The following PCDHGA11 variants were observed in gnomAD, a reference collection of about 807,000 sequenced individuals.
PCDHGA11 encodes protocadherin gamma subfamily A, 11.
In PCDHGA11, 39 loss-of-function variants were observed where a neutral mutation model predicts 60.4. The observed-to-expected ratio is 0.65, with a 90% confidence interval of 0.50 to 0.84. The LOEUF (loss-of-function observed/expected upper bound fraction) is 0.84, where lower values mean the gene tolerates loss of function less well. Among genes scored for constraint, PCDHGA11 ranks in the 40% least tolerant of loss-of-function variants. The pLI, the probability that PCDHGA11 is intolerant of heterozygous loss-of-function variation, is 0.00. For synonymous variants in PCDHGA11, 533 were observed against 510.3 expected, an observed-to-expected ratio of 1.04 and a Z score of -0.60; for missense variants, 1,165 against 1,197.7, an observed-to-expected ratio of 0.97 and a Z score of 0.40.
intron 1 of PCDHGA11, among the ~76,000 whole-genome samples, chr5:141,455,146 A>G (rs2098814943): frequency 6.7e-6 from 1 of 149,242 alleles, no homozygotes; most frequent in South Asian, 2.1e-4. Flanking sequence ...TGTTAAATAA[A>G]TATTAGTTTG....
intron 1 of PCDHGA11, among the ~76,000 whole-genome samples, chr5:141,444,872 G>T (rs2098449555): frequency 6.6e-6 from 1 of 152,120 alleles, no homozygotes. Context: ...ACAGGACAAA[G>T]CTTGTAGGAT....
chr5:141,487,810 C>G lies in PCDHGA11; in HGVS notation c.2434-6997C>G, dbSNP rs377060474. ...ATTAACCAGAGTTGTCACAGTTTAGCATTGGGGGCGGGTCATGCCTATATC... is the reference window on the plus strand; with the variant it reads ...ATTAACCAGAGTTGTCACAGTTTAGGATTGGGGGCGGGTCATGCCTATATC... On this transcript the variant is annotated intron_variant, in intron 1 of 3. Coordinates refer to ENST00000398587, the MANE Select transcript of PCDHGA11 (RefSeq NM_018914.3). The surrounding 1 kb of genome is among the most constrained non-coding windows in gnomAD (Gnocchi z 5.0). 7.1e-7 allele frequency: 1 copy of G among 1,417,854 alleles called. No homozygotes were observed. The highest frequency in any genetic ancestry group is 2.1e-5 in the Admixed American group (1 of 47,076). The allele number at this position is 1,417,854 out of a possible 1,614,324, so 87.8% of individuals were successfully genotyped here.
Position 141,489,338 on chromosome 5 carries a change from A to T in PCDHGA11, c.2434-5469A>T, listed in dbSNP as rs1303176012. 1 of 1,608,414 alleles carries T rather than the reference A, an allele frequency of 6.2e-7. No homozygotes were observed. Among genetic ancestry groups the T allele is most frequent in the South Asian group, 1.1e-5 (1 of 90,478 alleles). ...GGCTGGGTGTCTGGGCAGCTTCGTTACTCAGTGGTGGAGGAGTCTGAGCCG... is the reference window on the plus strand; with the variant it reads ...GGCTGGGTGTCTGGGCAGCTTCGTTTCTCAGTGGTGGAGGAGTCTGAGCCG... On this transcript the variant is annotated intron_variant, in intron 1 of 3. Coordinates refer to ENST00000398587, the MANE Select transcript of PCDHGA11 (RefSeq NM_018914.3). This position sits in a 1 kb window ranked among gnomAD's most constrained non-coding sequence, Gnocchi z 4.5.
intron 1 of PCDHGA11, among the ~76,000 whole-genome samples, chr5:141,488,969 CCAAT>C (rs1303368467): frequency 4.6e-5 from 7 of 152,106 alleles, no homozygotes; most frequent in Non-Finnish European, 7.4e-5. Context: ...GACTTTTTGG[CCAAT>C]CAGACTCAGA....
intron 1 of PCDHGA11, among the ~76,000 whole-genome samples, chr5:141,481,820 C>T (rs2099545799): frequency 6.6e-6 from 1 of 150,726 alleles, no homozygotes; most frequent in Non-Finnish European, 1.5e-5. Context: ...GGCGTGGTGG[C>T]TGAGGCAGGA....
intron 2 of PCDHGA11, 147 bp from the exon 3 acceptor site, chr5:141,505,246 G>A (rs2099844792): frequency 2.1e-6 from 3 of 1,436,556 alleles, no homozygotes; most frequent in African/African-American, 1.4e-5. Flanking sequence ...AAGGATTGTA[G>A]AAGTGCCTCC....
At chr5:141,498,971 G>A (rs866066098) in intron 2 of PCDHGA11, among the ~76,000 whole-genome samples, 16 of 111,052 alleles carry the variant, frequency 1.4e-4, no homozygotes, top group African/African-American at 2.5e-4. Context: ...GAGGGAGGGA[G>A]GGAAGGAAGG....
intron 1 of PCDHGA11, among the ~76,000 whole-genome samples, chr5:141,472,980 C>CAAAAAAAAAAAAAAAAAGAAAAAAA (rs2099309731): frequency 1.2e-5 from 1 of 86,102 alleles, no homozygotes; most frequent in African/African-American, 3.9e-5. Flanking sequence ...GAGTGAAACT[C>CAAAAAAAAAAAAAAAAAGAAAAAAA]AAAAAAAAAA....
chr5:141,453,465 A>G (rs1167340749), intron 1 of PCDHGA11, among the ~76,000 whole-genome samples: 2 of 152,098 alleles, frequency 1.3e-5, no homozygotes, highest in African/African-American at 4.8e-5. Flanking sequence ...AAACATTAAC[A>G]TAAAGTCAAA....
chr5:141,486,725 C>A lies in PCDHGA11; in HGVS notation c.2434-8082C>A. 1 of 1,614,182 alleles carries A rather than the reference C, an allele frequency of 6.2e-7. No individual in the cohort carries two copies. The highest frequency in any genetic ancestry group is 1.1e-5 in the South Asian group (1 of 91,076). On this transcript the variant is annotated intron_variant, in intron 1 of 3. Transcript: ENST00000398587. The surrounding 1 kb of genome is among the most constrained non-coding windows in gnomAD (Gnocchi z 5.0). ...TCTGAACCCCCAGACAGGAGCTGTT[C>A]ATGCTACTCGATCCTTTGACTATGA...
At chr5:141,430,573 A>C (rs938248057) in intron 1 of PCDHGA11, 8 of 448,940 alleles carry the variant, frequency 1.8e-5, no homozygotes, top group Non-Finnish European at 3.0e-5. Context: ...AGAAAAGCGG[A>C]GATCCTGCTC....
intron 1 of PCDHGA11, among the ~76,000 whole-genome samples, chr5:141,474,185 C>A (rs1481544975): frequency 6.6e-6 from 1 of 152,180 alleles, no homozygotes; most frequent in Non-Finnish European, 1.5e-5. Flanking sequence ...AAACTACTTA[C>A]ATTTTTAAAA....
rs1416755901 is a variant in PCDHGA11 at position 141,489,721 on chromosome 5, G to C, written c.2434-5086G>C. The C allele has an allele frequency of 6.2e-7, 1 of 1,614,016 alleles. No homozygotes were observed. The highest frequency in any genetic ancestry group is 8.5e-7 in the Non-Finnish European group (1 of 1,179,966). On this transcript the variant is annotated intron_variant, in intron 1 of 3. Coordinates refer to ENST00000398587, the MANE Select transcript of PCDHGA11 (RefSeq NM_018914.3). The surrounding 1 kb of genome is among the most constrained non-coding windows in gnomAD (Gnocchi z 4.5). ...CCCACTGGACAGTGCCCAGGATCCGGATGTGGGCACCAATACTGTGAGCTT... is the reference window on the plus strand; with the variant it reads ...CCCACTGGACAGTGCCCAGGATCCGCATGTGGGCACCAATACTGTGAGCTT...
intron 2 of PCDHGA11, among the ~76,000 whole-genome samples, chr5:141,501,966 C>A (rs1046026111): frequency 1.3e-5 from 2 of 152,118 alleles, no homozygotes; most frequent in African/African-American, 4.8e-5. Context: ...ATCCTCCTAA[C>A]CTCTGGCATC....
Position 141,476,292 on chromosome 5 carries a change from G to A in PCDHGA11, c.2434-18515G>A. The A allele has an allele frequency of 1.9e-6, 3 of 1,614,144 alleles. No homozygotes were observed. The highest frequency in any genetic ancestry group is 2.5e-6 in the Non-Finnish European group (3 of 1,180,016). On this transcript the variant is annotated intron_variant, in intron 1 of 3. Transcript: ENST00000398587. This position sits in a 1 kb window ranked among gnomAD's most constrained non-coding sequence, Gnocchi z 7.6. ...GTCGCGAACCTTGGTTTGGATCTCGGTAGCCTCTCAGCCCGCAGGTTCCGG... is the reference window on the plus strand; with the variant it reads ...GTCGCGAACCTTGGTTTGGATCTCGATAGCCTCTCAGCCCGCAGGTTCCGG...
At chr5:141,455,360 A>C (rs2098820130) in intron 1 of PCDHGA11, among the ~76,000 whole-genome samples, 1 of 152,112 alleles carries the variant, frequency 6.6e-6, no homozygotes, top group Non-Finnish European at 1.5e-5. Context: ...TTAATAGGCA[A>C]GAAGGAAGGG....
At chr5:141,482,901 A>G (rs192886570) in intron 1 of PCDHGA11, among the ~76,000 whole-genome samples, 1 of 152,122 alleles carries the variant, frequency 6.6e-6, no homozygotes, top group Admixed American at 6.6e-5. Context: ...GTGAAACCTC[A>G]TCTCTATTAA....
intron 1 of PCDHGA11, among the ~76,000 whole-genome samples, chr5:141,469,004 C>T (rs570896326): frequency 3.3e-5 from 5 of 151,802 alleles, no homozygotes; most frequent in Admixed American, 2.0e-4. Flanking sequence ...TTGCTGGGTG[C>T]GGTGGGTCAC....
intron 1 of PCDHGA11, among the ~76,000 whole-genome samples, chr5:141,443,726 TAC>T: frequency 6.6e-6 from 1 of 152,262 alleles, no homozygotes; most frequent in Admixed American, 6.5e-5. Flanking sequence ...AAATTCCTCA[TAC>T]ATTTCCCTAT....
Sources: gnomAD v4.1 joint callset for allele counts (sites outside exome capture counted in the v4.1 genomes callset) on GRCh38, gnomAD v4.1.1 for gene constraint, Gnocchi (gnomAD v3.1) non-coding constraint, MANE v1.5 for transcripts, NCBI Gene and HGNC (gene_info 2026-07-23, HGNC 2026-07-21) for gene names.